PGM1: variants seen among roughly 807,000 people sequenced by gnomAD.
PGM1 encodes phosphoglucomutase 1, also known as phosphoglucomutase-1.
PGM1 carries 52 observed loss-of-function variants against 55.6 expected under a neutral mutation model. That is an observed-to-expected ratio of 0.94 (90% CI 0.75 to 1.18). The LOEUF is 1.18. Among genes scored for constraint, PGM1 ranks in the 50% most tolerant of loss-of-function variants. The pLI, the probability that PGM1 is intolerant of heterozygous loss-of-function variation, is 0.00. For synonymous variants in PGM1, 287 were observed against 271.7 expected, an observed-to-expected ratio of 1.06 and a Z score of -0.55; for missense variants, 724 against 729.3, an observed-to-expected ratio of 0.99 and a Z score of 0.08.
chr1:63,593,864 C>G (rs990633127), intron 1 of PGM1, 130 bp downstream of exon 1: 58 of 1,294,940 alleles, frequency 4.5e-5, no homozygotes, highest in Non-Finnish European at 4.9e-5. Context: ...TCCCGCTCCT[C>G]CCTCTCCTTC....
intron 1 of PGM1, among the ~76,000 whole-genome samples, chr1:63,601,480 C>T (rs1648241630): frequency 6.6e-6 from 1 of 152,196 alleles, no homozygotes; most frequent in Admixed American, 6.5e-5. Context: ...TGAACTGATC[C>T]CTTTATTCTC....
chr1:63,623,440 G>A (rs751100673), intron 1 of PGM1: 37 of 1,607,326 alleles, frequency 2.3e-5, no homozygotes, highest in Non-Finnish European at 3.1e-5. Context: ...CCCTCACTGA[G>A]CCAGTCGGTG....
intron 8 of PGM1, among the ~76,000 whole-genome samples, chr1:63,649,367 T>C (rs574320072): frequency 6.6e-6 from 1 of 152,214 alleles, no homozygotes; most frequent in African/African-American, 2.4e-5. Flanking sequence ...CATTAAAAAA[T>C]TTTTGACAGT....
chr1:63,638,223 G>C (rs1198681615), intron 6 of PGM1, among the ~76,000 whole-genome samples: 1 of 152,176 alleles, frequency 6.6e-6, no homozygotes, highest in Non-Finnish European at 1.5e-5. Context: ...TCCTGGCTTT[G>C]TGACCTTTGT....
intron 7 of PGM1, among the ~76,000 whole-genome samples, chr1:63,640,482 A>T (rs1349281764): frequency 6.6e-6 from 1 of 152,232 alleles, no homozygotes. Context: ...TTGCCTAAAT[A>T]TAGTTTACCA....
At chr1:63,617,174 A>G (rs892227620) in intron 1 of PGM1, among the ~76,000 whole-genome samples, 3 of 152,154 alleles carry the variant, frequency 2.0e-5, no homozygotes, top group South Asian at 2.1e-4. Context: ...CTTGCTGTGG[A>G]CTGAGGGAGC....
In PGM1 at chr1:63,593,711, G is replaced by C. The variant is rs1412343531; in HGVS notation, c.223G>C (p.Ala75Pro). The change falls in exon 1 of 11, where the codon GCT becomes CCT. Residue 75 changes from alanine to proline, a missense_variant. This residue lies in a region of PGM1 where 379 missense variants were observed against 357.5 expected (regional missense o/e 1.06). Transcript: ENST00000371084. ...CATGAAGGAGGCCATCCAGCTCATC[G>C]CTCGCATCGCTGCCGCCAACGGGGT... ...FYMKEAIQLI[A>P]RIAAANGIGR... 26 of 1,598,904 alleles carry C rather than the reference G, an allele frequency of 1.6e-5. No homozygotes were observed. The East Asian group carries it at 5.9e-4, about 36-fold the overall frequency.
At chr1:63,626,294 A>G (rs1649013095) in intron 1 of PGM1, among the ~76,000 whole-genome samples, 1 of 152,200 alleles carries the variant, frequency 6.6e-6, no homozygotes, top group Non-Finnish European at 1.5e-5. Context: ...TTTTACAACC[A>G]TCACCACTAT....
At chr1:63,624,927 G>A (rs1432109336) in intron 1 of PGM1, among the ~76,000 whole-genome samples, 3 of 152,154 alleles carry the variant, frequency 2.0e-5, no homozygotes, top group African/African-American at 7.2e-5. Flanking sequence ...TGTAAAAGTT[G>A]CTGATAAAGC....
At chr1:63,657,810 A>T (rs1361352140) in intron 10 of PGM1, among the ~76,000 whole-genome samples, 2 of 152,228 alleles carry the variant, frequency 1.3e-5, no homozygotes, top group African/African-American at 4.8e-5. Flanking sequence ...AGTCATCACC[A>T]GTACCTTGTT....
intron 7 of PGM1, among the ~76,000 whole-genome samples, chr1:63,645,692 G>A (rs995834497): frequency 1.2e-4 from 19 of 152,134 alleles, no homozygotes; most frequent in Non-Finnish European, 2.9e-5. Context: ...GCCTGCATCC[G>A]GGTTTTGAGG....
At chr1:63,634,738 C>A (rs914550180) in intron 4 of PGM1, 91 bp from the exon 5 acceptor site, 1 of 1,037,498 alleles carries the variant, frequency 9.6e-7, no homozygotes, top group Non-Finnish European at 1.5e-6. Context: ...TTCTTCTCCC[C>A]AGAATGCATC....
At chr1:63,611,252 A>G (rs371793889) in intron 1 of PGM1, among the ~76,000 whole-genome samples, 89 of 152,190 alleles carry the variant, frequency 5.8e-4, no homozygotes, top group African/African-American at 2.1e-3. Flanking sequence ...CCAAGTCCTG[A>G]AGGATGATAA....
intron 1 of PGM1, among the ~76,000 whole-genome samples, chr1:63,619,422 G>A (rs528750751): frequency 3.5e-4 from 53 of 152,224 alleles, no homozygotes; most frequent in Admixed American, 7.8e-4. Context: ...TTGAAGTTGT[G>A]TGTAGAAAGC....
chr1:63,595,976 A>G (rs1171393276), intron 1 of PGM1, among the ~76,000 whole-genome samples: 1 of 152,104 alleles, frequency 6.6e-6, no homozygotes, highest in Non-Finnish European at 1.5e-5. Flanking sequence ...TCGCCATTTC[A>G]CTGCTTCTGC....
intron 6 of PGM1, among the ~76,000 whole-genome samples, chr1:63,637,328 A>G (rs1039632339): frequency 6.6e-6 from 1 of 152,212 alleles, no homozygotes; most frequent in African/African-American, 2.4e-5. Context: ...GAAGTAACTT[A>G]CCTGAGGTCA....
chr1:63,641,048 C>T (rs1349510944), intron 7 of PGM1, among the ~76,000 whole-genome samples: 1 of 152,072 alleles, frequency 6.6e-6, no homozygotes, highest in Non-Finnish European at 1.5e-5. Flanking sequence ...GTAATTAAAC[C>T]CTTAAAGTTT....
intron 1 of PGM1, among the ~76,000 whole-genome samples, chr1:63,614,864 A>G (rs1294933101): frequency 6.6e-6 from 1 of 152,198 alleles, no homozygotes; most frequent in African/African-American, 2.4e-5. Context: ...TTGAAACATG[A>G]CCCAGCACAT....
rs772096041 is a variant in PGM1, at chr1:63,644,799, G to C, written c.1145-3718G>C. 7.1e-4 allele frequency among the ~76,000 whole-genome samples: 108 copies of C among 152,172 alleles called. 1 individual carries two copies. The highest frequency in any genetic ancestry group is 1.7e-3 in the Admixed American group (26 of 15,266). The stretch of plus-strand genomic sequence containing the variant: ...ATTCAAGTAGTTTACAAGTAACAGA[G>C]CCTCAAATTCAGGTTTATCTGATTC... On this transcript the variant is annotated intron_variant, in intron 7 of 10. Transcript: ENST00000371084.
Sources: allele counts gnomAD v4.1 joint callset (sites outside exome capture counted in the v4.1 genomes callset), GRCh38; gene constraint gnomAD v4.1.1; regional missense constraint gnomAD v4.1.1; transcripts MANE v1.5; gene names NCBI Gene and HGNC (gene_info 2026-07-23, HGNC 2026-07-21).